The following KLHL13 variants were observed in gnomAD, a reference collection of about 807,000 sequenced individuals.
KLHL13 encodes kelch like family member 13.
In KLHL13, 10 loss-of-function variants were observed where a neutral mutation model predicts 37.1. That is an observed-to-expected ratio of 0.27 (90% CI 0.17 to 0.46). KLHL13 has a LOEUF of 0.46. Ranked by LOEUF, KLHL13 falls within the 20% of genes least tolerant of loss-of-function variation. The pLI is 1.00. For missense variants in KLHL13, 360 were observed against 509.3 expected (o/e 0.71, Z 2.82); for synonymous variants, 163 against 181.2 (o/e 0.90, Z 0.81).
chrX:117,904,690 T>C (rs1930377953), intron 5 of KLHL13, among the ~76,000 whole-genome samples: 1 of 112,265 alleles, frequency 8.9e-6, no homozygotes, highest in Admixed American at 9.5e-5. Context: ...TAAAGCTTTA[T>C]TGGAGCACAG....
intron 1 of KLHL13, among the ~76,000 whole-genome samples, chrX:118,035,543 C>T (rs1165310491): frequency 2.8e-5 from 3 of 108,610 alleles, no homozygotes; most frequent in Non-Finnish European, 5.7e-5. Context: ...AATTCAACAA[C>T]CCTTCATGCT....
intron 1 of KLHL13, among the ~76,000 whole-genome samples, chrX:118,031,807 T>C (rs1000818775): frequency 1.9e-5 from 2 of 107,717 alleles, no homozygotes; most frequent in African/African-American, 6.8e-5. Flanking sequence ...GACAGGTGAT[T>C]TCTGCATTTC....
chrX:117,966,056 G>A (rs2147879641), intron 1 of KLHL13, among the ~76,000 whole-genome samples: 1 of 111,646 alleles, frequency 9.0e-6, no homozygotes, highest in Non-Finnish European at 1.9e-5. Context: ...TCTGGCCAGG[G>A]CAATCAGGTA....
In KLHL13 at chrX:118,096,661, T is replaced by C. The variant is rs1268803133; in HGVS notation, c.-56+19847A>G. Among the ~76,000 whole-genome samples the C allele has an allele frequency of 4.5e-5, 5 of 111,633 alleles. No homozygotes were observed. The South Asian group carries it at 1.9e-3, about 42-fold the overall frequency. On this transcript the variant is annotated intron_variant, in intron 1 of 6. Coordinates refer to the KLHL13 transcript ENST00000371882. ...TTTAGACCAATATGCCTGATGAACA[T>C]CGATGCAAAAATCCTCAATAAAATA...
intron 6 of KLHL13, among the ~76,000 whole-genome samples, chrX:117,900,205 GAAGT>G (rs1930000337): frequency 8.9e-6 from 1 of 112,372 alleles, no homozygotes; most frequent in South Asian, 3.6e-4. Flanking sequence ...ACAAGGGAAA[GAAGT>G]AAGCTAATCT....
intron 1 of KLHL13, 115 bp downstream of exon 1, chrX:118,116,393 C>G (rs2055469324): frequency 1.8e-5 from 2 of 113,030 alleles, no homozygotes; most frequent in Non-Finnish European, 3.7e-5. Flanking sequence ...CCCTGCTCCT[C>G]TGCTCCTCTG....
intron 1 of KLHL13, among the ~76,000 whole-genome samples, chrX:118,082,519 G>T (rs2055007928): frequency 9.0e-6 from 1 of 111,505 alleles, no homozygotes; most frequent in South Asian, 3.7e-4. Context: ...CTTGTCAGAT[G>T]CACAGTTTGA....
chrX:117,914,566 T>G (rs982201693), intron 4 of KLHL13, among the ~76,000 whole-genome samples: 1 of 111,599 alleles, frequency 9.0e-6, no homozygotes, highest in Non-Finnish European at 1.9e-5. Context: ...AGGCAGAGAA[T>G]GTACAGGTAT....
chrX:118,067,814 G>A (rs1233695743), intron 1 of KLHL13, among the ~76,000 whole-genome samples: 1 of 110,885 alleles, frequency 9.0e-6, no homozygotes, highest in Non-Finnish European at 1.9e-5. Flanking sequence ...AATACCTTCC[G>A]AAGGACCTGC....
chrX:118,090,336 C>A (rs778917106), intron 1 of KLHL13, among the ~76,000 whole-genome samples: 42 of 110,993 alleles, frequency 3.8e-4, no homozygotes, highest in Middle Eastern at 4.6e-3. Context: ...AGTGAACAGG[C>A]AACCTACAGA....
At chrX:117,994,135 C>T (rs751448627) in intron 1 of KLHL13, among the ~76,000 whole-genome samples, 9 of 112,033 alleles carry the variant, frequency 8.0e-5, no homozygotes, top group Non-Finnish European at 1.5e-4. Flanking sequence ...CCATCAACCA[C>T]GAATGCCAAT....
intron 1 of KLHL13, among the ~76,000 whole-genome samples, chrX:118,027,372 AT>A: frequency 9.0e-6 from 1 of 110,614 alleles, no homozygotes; most frequent in Non-Finnish European, 1.9e-5. Flanking sequence ...AAGAGCACCC[AT>A]TTTTCTTCAC....
chrX:118,062,895 T>C (rs2054756335), intron 1 of KLHL13, among the ~76,000 whole-genome samples: 1 of 111,551 alleles, frequency 9.0e-6, no homozygotes, highest in Non-Finnish European at 1.9e-5. Flanking sequence ...AATGCTCTTT[T>C]CTACTGGTCC....
chrX:117,998,751 GCACCATGAGAAGCTACTGAC>G (rs1258639487), intron 1 of KLHL13, among the ~76,000 whole-genome samples: 2 of 110,674 alleles, frequency 1.8e-5, no homozygotes, highest in Non-Finnish European at 3.8e-5. Flanking sequence ...GTCTCTGGGG[GCACCATGAGAAGCTACTGAC>G]CACTGGGTAA....
chrX:118,054,088 C>A (rs1046970585), intron 1 of KLHL13, among the ~76,000 whole-genome samples: 5 of 111,036 alleles, frequency 4.5e-5, no homozygotes, highest in African/African-American at 1.6e-4. Flanking sequence ...AACTGCTGAG[C>A]ATTTTATAGG....
At chrX:118,023,612 A>G (rs1449358601) in intron 1 of KLHL13, among the ~76,000 whole-genome samples, 1 of 111,553 alleles carries the variant, frequency 9.0e-6, no homozygotes, top group African/African-American at 3.3e-5. Context: ...TCTGTCACCC[A>G]GGCTGGAAGG....
intron 1 of KLHL13, among the ~76,000 whole-genome samples, chrX:117,954,407 C>CGGATGGAT (rs755552949): frequency 2.7e-5 from 3 of 110,764 alleles, no homozygotes; most frequent in Non-Finnish European, 5.7e-5. Context: ...GATAGGTAGA[C>CGGATGGAT]GGATGGATGG....
intron 1 of KLHL13, among the ~76,000 whole-genome samples, chrX:118,057,747 ACCTGGGAGG>A (rs1172269014): frequency 5.4e-5 from 6 of 110,468 alleles, no homozygotes; most frequent in African/African-American, 2.0e-4. Context: ...AATGGTGTGA[ACCTGGGAGG>A]CAGAGCTTGC....
intron 1 of KLHL13, among the ~76,000 whole-genome samples, chrX:117,981,189 A>G (rs758940024): frequency 8.9e-6 from 1 of 112,306 alleles, no homozygotes; most frequent in African/African-American, 3.2e-5. Context: ...AAATCCTATG[A>G]TGTACAACAT....
Sources: gnomAD v4.1 joint callset for allele counts (sites outside exome capture counted in the v4.1 genomes callset) on GRCh38, gnomAD v4.1.1 for gene constraint, MANE v1.5 for transcripts, NCBI Gene and HGNC (gene_info 2026-07-23, HGNC 2026-07-21) for gene names.